The following KIRREL3 variants were observed in gnomAD, a reference collection of about 807,000 sequenced individuals.
KIRREL3 encodes the protein kirre like nephrin family adhesion molecule 3, also known as kin of IRRE-like protein 3.
KIRREL3 carries 36 observed loss-of-function variants against 89.7 expected under a neutral mutation model. The ratio of observed to expected loss-of-function variants is 0.40; its 90% CI spans 0.31 to 0.53. KIRREL3 has a LOEUF of 0.53. Among genes scored for constraint, KIRREL3 ranks in the 20% least tolerant of loss-of-function variants. KIRREL3 has a pLI of 0.49. For missense variants in KIRREL3, 864 were observed against 1,056.6 expected (o/e 0.82, Z 2.53); for synonymous variants, 445 against 441.4 (o/e 1.01, Z -0.10).
chr11:126,863,617 GTGTGTGTGTT>G (rs1270612943), intron 1 of KIRREL3, among the ~76,000 whole-genome samples: 36 of 47,342 alleles, frequency 7.6e-4, no homozygotes, highest in Non-Finnish European at 1.3e-3. Flanking sequence ...TTGCGTGCGT[GTGTGTGTGTT>G]TGAGTGCGTG....
chr11:126,547,887 C>T (rs923348922), intron 2 of KIRREL3, among the ~76,000 whole-genome samples: 1 of 152,194 alleles, frequency 6.6e-6, no homozygotes, highest in Non-Finnish European at 1.5e-5. Context: ...GAAGGCCAGG[C>T]TTTGGCGTTC....
At position 126,612,915 on chromosome 11, in the gene KIRREL3, G is replaced by A. The variant is rs1010105141; in HGVS notation, c.56-50003C>T. Among the ~76,000 whole-genome samples, 1 of 152,058 alleles carries A rather than the reference G, an allele frequency of 6.6e-6. No homozygotes were observed. Among genetic ancestry groups the A allele is most frequent in the Non-Finnish European group, 1.5e-5 (1 of 68,028 alleles). ...GACATTTGGGCTGTTTCCACTTTTC[G>A]GCTATTGTGAATACTGCTGCTATGA... On this transcript the variant is annotated intron_variant, in intron 1 of 16. Transcript: ENST00000525144. This position sits in a 1 kb window ranked among gnomAD's most constrained non-coding sequence, Gnocchi z 4.5.
At chr11:126,529,037 G>A (rs1173566095) in intron 2 of KIRREL3, among the ~76,000 whole-genome samples, 4 of 152,184 alleles carry the variant, frequency 2.6e-5, no homozygotes, top group African/African-American at 9.7e-5. Flanking sequence ...GACGTGGAGG[G>A]GGTTATAATG....
In KIRREL3 at chr11:126,965,461, C is replaced by A. The variant is rs529501433; in HGVS notation, c.55+34994G>T. Among the ~76,000 whole-genome samples the A allele has an allele frequency of 6.6e-6, 1 of 152,240 alleles. No individual in the cohort carries two copies. The highest frequency in any genetic ancestry group is 1.9e-4 in the East Asian group (1 of 5,172). On this transcript the variant is annotated intron_variant, in intron 1 of 16. Coordinates refer to ENST00000525144, the MANE Select transcript of KIRREL3 (RefSeq NM_032531.4). The surrounding 1 kb of genome is among the most constrained non-coding windows in gnomAD (Gnocchi z 4.4). ...TAATCATTATCATCACATTCTAATT[C>A]TCATACAATACCTCTTCTCAGTAAC...
At chr11:126,963,685 T>A (rs1949169363) in intron 1 of KIRREL3, among the ~76,000 whole-genome samples, 2 of 152,204 alleles carry the variant, frequency 1.3e-5, no homozygotes, top group African/African-American at 4.8e-5. Context: ...CATCTCCTTA[T>A]ACCCCAAAAG....
chr11:126,864,186 G>C (rs187219007), intron 1 of KIRREL3, among the ~76,000 whole-genome samples: 1 of 152,296 alleles, frequency 6.6e-6, no homozygotes. Context: ...GGAGAAGGTG[G>C]AGTTATTATT....
rs1186910841 is a variant in KIRREL3 at position 126,508,120 on chromosome 11, C to T, written c.433+13195G>A. 6.6e-6 allele frequency among the ~76,000 whole-genome samples: 1 copy of T among 152,212 alleles called. No homozygotes were observed. Among genetic ancestry groups the T allele is most frequent in the African/African-American group, 2.4e-5 (1 of 41,448 alleles). On this transcript the variant is annotated intron_variant, in intron 4 of 16. Coordinates refer to ENST00000525144, the MANE Select transcript of KIRREL3 (RefSeq NM_032531.4). This position sits in a 1 kb window ranked among gnomAD's most constrained non-coding sequence, Gnocchi z 4.9. ...CACCACTGAAGCTGCTGGGTGATCT[C>T]TCAGCTGCTAACATTGTTTCTGACA...
Position 126,780,808 on chromosome 11 carries a change from G to T in KIRREL3, c.56-217896C>A, listed in dbSNP as rs1185050185. 6.6e-6 allele frequency among the ~76,000 whole-genome samples: 1 copy of T among 152,210 alleles called. No individual in the cohort carries two copies. The highest frequency in any genetic ancestry group is 2.4e-5 in the African/African-American group (1 of 41,452). ...CAAACATATATGGAGCTTTAAATATGCATCAAAAACACCACACAGCAGGGA... is the reference window on the plus strand; with the variant it reads ...CAAACATATATGGAGCTTTAAATATTCATCAAAAACACCACACAGCAGGGA... On this transcript the variant is annotated intron_variant, in intron 1 of 16. Coordinates refer to ENST00000525144, the MANE Select transcript of KIRREL3 (RefSeq NM_032531.4). The surrounding 1 kb of genome is among the most constrained non-coding windows in gnomAD (Gnocchi z 5.3).
At chr11:126,540,158 A>G (rs1202985391) in intron 2 of KIRREL3, among the ~76,000 whole-genome samples, 1 of 152,194 alleles carries the variant, frequency 6.6e-6, no homozygotes, top group Non-Finnish European at 1.5e-5. Context: ...CTTGATTTCT[A>G]CTGGGAGAGA....
chr11:126,566,165 C>T lies in KIRREL3; in HGVS notation c.56-3253G>A, dbSNP rs4935975. Among the ~76,000 whole-genome samples the T allele has an allele frequency of 0.29, 44,548 of 152,082 alleles. 6,819 individuals are homozygous for T. The highest frequency in any genetic ancestry group is 0.54 in the East Asian group (2,815 of 5,166). ...AAATAATTACCATGAAAGGAGTCAGCCCTGGCTTAAAAGGAAAGTTCATAG... is the reference window on the plus strand; with the variant it reads ...AAATAATTACCATGAAAGGAGTCAGTCCTGGCTTAAAAGGAAAGTTCATAG... On this transcript the variant is annotated intron_variant, in intron 1 of 16. Transcript: ENST00000525144. This position sits in a 1 kb window ranked among gnomAD's most constrained non-coding sequence, Gnocchi z 4.9.
intron 1 of KIRREL3, among the ~76,000 whole-genome samples, chr11:126,852,303 C>T (rs1944370378): frequency 6.6e-6 from 1 of 152,184 alleles, no homozygotes; most frequent in Admixed American, 6.5e-5. Flanking sequence ...CCACCCACCT[C>T]AGCCTCCCAA....
intron 1 of KIRREL3, among the ~76,000 whole-genome samples, chr11:126,922,485 C>T (rs1190167300): frequency 6.6e-6 from 1 of 152,052 alleles, no homozygotes. Flanking sequence ...CTGATCTGTG[C>T]CCACCCTTCC....
intron 1 of KIRREL3, among the ~76,000 whole-genome samples, chr11:126,956,479 G>A (rs1006636108): frequency 6.6e-6 from 1 of 152,184 alleles, no homozygotes; most frequent in Non-Finnish European, 1.5e-5. Flanking sequence ...CCAAATGAGG[G>A]AAAATTAGCA....
chr11:126,953,762 T>C lies in KIRREL3; in HGVS notation c.55+46693A>G, dbSNP rs1380564179. Among the ~76,000 whole-genome samples, 1 of 152,244 alleles carries C rather than the reference T, an allele frequency of 6.6e-6. No individual in the cohort carries two copies. The highest frequency in any genetic ancestry group is 1.5e-5 in the Non-Finnish European group (1 of 68,038). On this transcript the variant is annotated intron_variant, in intron 1 of 16. Transcript: ENST00000525144. The surrounding 1 kb of genome is among the most constrained non-coding windows in gnomAD (Gnocchi z 5.2). ...ACAGACTAGCAGGAAAGAGTTTTCATGATTTCTGCCTCTCAGAGGTCTCTC... is the reference window on the plus strand; with the variant it reads ...ACAGACTAGCAGGAAAGAGTTTTCACGATTTCTGCCTCTCAGAGGTCTCTC...
At chr11:126,737,624 G>A (rs1169044470) in intron 1 of KIRREL3, among the ~76,000 whole-genome samples, 1 of 152,180 alleles carries the variant, frequency 6.6e-6, no homozygotes, top group Non-Finnish European at 1.5e-5. Context: ...GAGACACACA[G>A]TACATGCCTG....
At position 126,948,748 on chromosome 11, in the gene KIRREL3, G is replaced by T. The variant is rs1948692129; in HGVS notation, c.55+51707C>A. ...TGACGCCATCCATAGGGTAAACAAA[G>T]TGGTACAATGGTTAGTTCAACTCCA... On this transcript the variant is annotated intron_variant, in intron 1 of 16. Transcript: ENST00000525144. The surrounding 1 kb of genome is among the most constrained non-coding windows in gnomAD (Gnocchi z 4.5). 6.6e-6 allele frequency among the ~76,000 whole-genome samples: 1 copy of T among 152,160 alleles called. No homozygotes were observed. The highest frequency in any genetic ancestry group is 6.5e-5 in the Admixed American group (1 of 15,278).
rs79694856 is a variant in KIRREL3 at position 126,563,359 on chromosome 11, C to A, written c.56-447G>T. Among the ~76,000 whole-genome samples, 1 of 152,128 alleles carries A rather than the reference C, an allele frequency of 6.6e-6. No homozygotes were observed. On this transcript the variant is annotated intron_variant, in intron 1 of 16. Coordinates refer to ENST00000525144, the MANE Select transcript of KIRREL3 (RefSeq NM_032531.4). The surrounding 1 kb of genome is among the most constrained non-coding windows in gnomAD (Gnocchi z 6.8). ...AGGGATGATGCAGAATCTATCCAGT[C>A]GTGTCTAGGATGGAACAGTGCAACC...
At position 126,940,200 on chromosome 11, in the gene KIRREL3, G is replaced by C. The variant is rs959390354; in HGVS notation, c.55+60255C>G. On this transcript the variant is annotated intron_variant, in intron 1 of 16. Transcript: ENST00000525144. The surrounding 1 kb of genome is among the most constrained non-coding windows in gnomAD (Gnocchi z 4.6). ...GCCTGCTCTCAAAGGATTGTCAAAC[G>C]TGCAACAAATCAGTGTTCTCTCATC... Among the ~76,000 whole-genome samples the C allele has an allele frequency of 6.6e-6, 1 of 152,112 alleles. No individual in the cohort carries two copies. The highest frequency in any genetic ancestry group is 2.4e-5 in the African/African-American group (1 of 41,418).
chr11:126,966,919 T>C (rs1388624230), intron 1 of KIRREL3, among the ~76,000 whole-genome samples: 1 of 152,290 alleles, frequency 6.6e-6, no homozygotes, highest in East Asian at 1.9e-4. Context: ...CAGAAATCTG[T>C]AAATTAAATA....
Sources: gnomAD v4.1 joint callset for allele counts (sites outside exome capture counted in the v4.1 genomes callset) on GRCh38, gnomAD v4.1.1 for gene constraint, Gnocchi (gnomAD v3.1) non-coding constraint, MANE v1.5 for transcripts, NCBI Gene and HGNC (gene_info 2026-07-23, HGNC 2026-07-21) for gene names.